The following ELMO1 variants were observed in gnomAD, a reference collection of about 807,000 sequenced individuals.
ELMO1 encodes the protein engulfment and cell motility 1, also known as engulfment and cell motility protein 1.
A neutral mutation model predicts 98.9 loss-of-function variants in ELMO1; 26 were observed. That is an observed-to-expected ratio of 0.26 (90% CI 0.19 to 0.36). The LOEUF (loss-of-function observed/expected upper bound fraction) is 0.36, where lower values mean the gene tolerates loss of function less well. Among genes scored for constraint, ELMO1 ranks in the 10% least tolerant of loss-of-function variants. The pLI, the probability that ELMO1 is intolerant of heterozygous loss-of-function variation, is 1.00. For synonymous variants in ELMO1, 346 were observed against 346.0 expected, an observed-to-expected ratio of 1.00 and a Z score of 0.00; for missense variants, 627 against 935.2, an observed-to-expected ratio of 0.67 and a Z score of 4.30.
At chr7:37,181,070 C>G (rs557832161) in intron 13 of ELMO1, among the ~76,000 whole-genome samples, 13 of 152,188 alleles carry the variant, frequency 8.5e-5, no homozygotes, top group African/African-American at 3.1e-4. Context: ...CTTTAACATG[C>G]TTAATTTTAT....
chr7:37,150,110 G>C (rs533442876), intron 13 of ELMO1, among the ~76,000 whole-genome samples: 63 of 152,168 alleles, frequency 4.1e-4, no homozygotes, highest in African/African-American at 1.5e-3. Flanking sequence ...GCAAACCTCA[G>C]ATGGGGCCTT....
At chr7:36,967,919 G>A (rs945220915) in intron 16 of ELMO1, among the ~76,000 whole-genome samples, 1 of 152,010 alleles carries the variant, frequency 6.6e-6, no homozygotes, top group African/African-American at 2.4e-5. Context: ...TTTTGTATGT[G>A]CTTTGCCTGT....
intron 2 of ELMO1, among the ~76,000 whole-genome samples, chr7:37,321,101 A>G (rs979148344): frequency 2.0e-5 from 3 of 152,218 alleles, no homozygotes; most frequent in Non-Finnish European, 2.9e-5. Context: ...ATGACCAAAG[A>G]GGTGAGCCTT....
At chr7:36,968,833 T>C (rs532385162) in intron 16 of ELMO1, among the ~76,000 whole-genome samples, 1 of 152,260 alleles carries the variant, frequency 6.6e-6, no homozygotes, top group South Asian at 2.1e-4. Flanking sequence ...ATATCCTGAG[T>C]TCACTTGTTT....
chr7:36,861,335 G>C (rs1233535576), intron 21 of ELMO1, among the ~76,000 whole-genome samples: 1 of 152,138 alleles, frequency 6.6e-6, no homozygotes, highest in Non-Finnish European at 1.5e-5. Flanking sequence ...GGAAAATCCA[G>C]ACCAAAAACG....
chr7:37,047,443 G>A lies in ELMO1; in HGVS notation c.1301-34008C>T, dbSNP rs114091000. Among the ~76,000 whole-genome samples the A allele has an allele frequency of 6.8e-3, 1,032 of 152,276 alleles. 4 individuals are homozygous for A. The highest frequency in any genetic ancestry group is 0.024 in the African/African-American group (980 of 41,554). ...CCCCAGTTAAGGCTGGGCTCATTTCGGCTTACAAGCACGAGAGATATGTAA... is the reference window on the plus strand; with the variant it reads ...CCCCAGTTAAGGCTGGGCTCATTTCAGCTTACAAGCACGAGAGATATGTAA... On this transcript the variant is annotated intron_variant, in intron 15 of 21. Transcript: ENST00000310758.
At chr7:37,320,408 AC>A (rs367846458) in intron 2 of ELMO1, among the ~76,000 whole-genome samples, 6 of 152,008 alleles carry the variant, frequency 3.9e-5, no homozygotes, top group African/African-American at 7.3e-5. Flanking sequence ...GTCACCAAAA[AC>A]AAACAAACAA....
intron 14 of ELMO1, among the ~76,000 whole-genome samples, chr7:37,107,398 A>G (rs1435864871): frequency 6.6e-6 from 1 of 152,190 alleles, no homozygotes; most frequent in African/African-American, 2.4e-5. Context: ...CTCTCTCCTA[A>G]GGCATCTTTT....
At chr7:37,231,096 T>C (rs1157656940) in intron 8 of ELMO1, among the ~76,000 whole-genome samples, 1 of 152,070 alleles carries the variant, frequency 6.6e-6, no homozygotes, top group East Asian at 1.9e-4. Flanking sequence ...TTCTACAGGG[T>C]TCCTTTTGCT....
intron 1 of ELMO1, among the ~76,000 whole-genome samples, chr7:37,354,711 G>C (rs140213122): frequency 6.3e-4 from 96 of 152,322 alleles, no homozygotes; most frequent in African/African-American, 2.3e-3. Context: ...CTGTCACTCG[G>C]TGATGTGTGC....
intron 1 of ELMO1, among the ~76,000 whole-genome samples, chr7:37,392,658 G>A (rs766620329): frequency 3.9e-5 from 6 of 152,128 alleles, no homozygotes; most frequent in Non-Finnish European, 7.3e-5. Context: ...TGACTCTGGA[G>A]GCCTCTGGAC....
chr7:37,263,934 T>G (rs1021630618), intron 5 of ELMO1, among the ~76,000 whole-genome samples: 1 of 152,272 alleles, frequency 6.6e-6, no homozygotes, highest in African/African-American at 2.4e-5. Context: ...TGTGGTACAT[T>G]TGGAGCCCTT....
intron 1 of ELMO1, among the ~76,000 whole-genome samples, chr7:37,357,187 T>G (rs1327812024): frequency 6.6e-6 from 1 of 152,206 alleles, no homozygotes; most frequent in Non-Finnish European, 1.5e-5. Flanking sequence ...TTTCTGGGGC[T>G]TTGGGTCTTC....
At chr7:37,393,214 T>C (rs1462163864) in intron 1 of ELMO1, among the ~76,000 whole-genome samples, 1 of 152,228 alleles carries the variant, frequency 6.6e-6, no homozygotes, top group Non-Finnish European at 1.5e-5. Context: ...AATTTCATTC[T>C]TCCTGAACAA....
At chr7:37,128,682 C>T (rs1235298144) in intron 14 of ELMO1, among the ~76,000 whole-genome samples, 2 of 152,060 alleles carry the variant, frequency 1.3e-5, no homozygotes, top group Non-Finnish European at 2.9e-5. Context: ...TTAGGAGGAA[C>T]AAAAGCCATG....
intron 4 of ELMO1, among the ~76,000 whole-genome samples, chr7:37,273,928 A>G (rs1271727296): frequency 6.6e-6 from 1 of 152,242 alleles, no homozygotes; most frequent in Admixed American, 6.5e-5. Context: ...AAAAAGGGGC[A>G]GCCTTCAGGC....
intron 4 of ELMO1, among the ~76,000 whole-genome samples, chr7:37,308,641 AGG>A (rs987173419): frequency 6.6e-6 from 1 of 152,252 alleles, no homozygotes; most frequent in Non-Finnish European, 1.5e-5. Flanking sequence ...AGATATCCCC[AGG>A]GTTTAGCACA....
chr7:37,290,341 A>T (rs930353716), intron 4 of ELMO1, among the ~76,000 whole-genome samples: 8 of 152,334 alleles, frequency 5.3e-5, no homozygotes, highest in Admixed American at 6.5e-5. Flanking sequence ...TTTAGCTAAA[A>T]CTAAGTTCAA....
At chr7:37,209,087 C>T (rs1388424775) in intron 13 of ELMO1, among the ~76,000 whole-genome samples, 2 of 151,458 alleles carry the variant, frequency 1.3e-5, no homozygotes, top group Admixed American at 1.3e-4. Context: ...AGAGATACAC[C>T]AAGACTAAAC....
Sources: allele counts gnomAD v4.1 joint callset (sites outside exome capture counted in the v4.1 genomes callset), GRCh38; gene constraint gnomAD v4.1.1; transcripts MANE v1.5; gene names NCBI Gene and HGNC (gene_info 2026-07-23, HGNC 2026-07-21).